Variants in DLGAP2 observed in about 807,000 individuals in gnomAD.
DLGAP2 encodes the protein DLG associated protein 2.
Under a neutral mutation model 100.3 loss-of-function variants are expected in DLGAP2, and 26 were observed. The observed-to-expected ratio is 0.26, with a 90% CI of 0.19 to 0.36. The LOEUF (loss-of-function observed/expected upper bound fraction) is 0.36. Ranked by LOEUF, DLGAP2 falls within the 10% of genes least tolerant of loss-of-function variation. The pLI, the probability that DLGAP2 is intolerant of heterozygous loss-of-function variation, is 1.00. For missense variants in DLGAP2, 1,858 were observed against 1,453.2 expected, an observed-to-expected ratio of 1.28 and a Z score of -4.53; for synonymous variants, 886 against 630.1, an observed-to-expected ratio of 1.41 and a Z score of -6.08.
rs1392608886 is a variant in DLGAP2 at position 1,626,647 on chromosome 8, T to C, written c.1443-93T>C. 16 of 1,494,794 alleles carry C rather than the reference T, an allele frequency of 1.1e-5. No individual in the cohort carries two copies. The East Asian group carries it at 3.7e-4, about 35-fold the overall frequency. 92.6% of individuals were successfully genotyped at this position (1,494,794 alleles called of 1,614,324 possible). A position where few individuals can be genotyped will look rare whatever the true frequency, so the allele number is the denominator to read the frequency against. On this transcript the variant is annotated intron_variant, in intron 6 of 14. Transcript: ENST00000637795. ...CCCACCTCTGCCCTGTGGTGGGTGCTCAGCCTCTGGGTGTGGGTTGGATGG... is the reference window on the plus strand; with the variant it reads ...CCCACCTCTGCCCTGTGGTGGGTGCCCAGCCTCTGGGTGTGGGTTGGATGG...
chr8:1,507,448 G>C (rs1375272365), intron 4 of DLGAP2, among the ~76,000 whole-genome samples: 2 of 152,152 alleles, frequency 1.3e-5, no homozygotes, highest in South Asian at 2.1e-4. Context: ...CTCCAAGTGC[G>C]GGGCCGCGGA....
intron 2 of DLGAP2, among the ~76,000 whole-genome samples, chr8:1,115,657 C>T (rs544561412): frequency 9.9e-5 from 15 of 152,224 alleles, no homozygotes; most frequent in East Asian, 9.7e-4. Context: ...ATTCAGAGGA[C>T]GGAGGTGTAG....
chr8:1,485,630 C>T (rs1053657410), intron 3 of DLGAP2, among the ~76,000 whole-genome samples: 1 of 152,222 alleles, frequency 6.6e-6, no homozygotes, highest in Non-Finnish European at 1.5e-5. Context: ...TTCCCCCTCC[C>T]AGCTCCCACT....
chr8:807,903 G>C (rs1299523660), intron 1 of DLGAP2, among the ~76,000 whole-genome samples: 1 of 152,226 alleles, frequency 6.6e-6, no homozygotes, highest in South Asian at 2.1e-4. Flanking sequence ...GAACATAAAG[G>C]GGAGAAGGTT....
intron 7 of DLGAP2, among the ~76,000 whole-genome samples, chr8:1,629,564 A>C (rs1307821103): frequency 6.6e-6 from 1 of 152,264 alleles, no homozygotes; most frequent in African/African-American, 2.4e-5. Flanking sequence ...AAACAGAGTA[A>C]CTGAAAGTCA....
chr8:1,463,609 C>T (rs1055414544), intron 3 of DLGAP2, among the ~76,000 whole-genome samples: 2 of 152,250 alleles, frequency 1.3e-5, no homozygotes, highest in Non-Finnish European at 2.9e-5. Flanking sequence ...GAGTTCTGAA[C>T]ATGTGTCAAA....
At chr8:1,203,125 C>T (rs891263320) in intron 2 of DLGAP2, among the ~76,000 whole-genome samples, 25 of 151,926 alleles carry the variant, frequency 1.6e-4, no homozygotes, top group Admixed American at 1.1e-3. Context: ...TTTGTTAGTT[C>T]GTTTGTTTGT....
At chr8:1,671,157 G>T (rs974712215) in intron 10 of DLGAP2, among the ~76,000 whole-genome samples, 1 of 152,202 alleles carries the variant, frequency 6.6e-6, no homozygotes, top group Middle Eastern at 3.2e-3. Context: ...CAGCGGCCGA[G>T]ACTGGAGCCT....
chr8:800,740 ATGTGCATG>A (rs1280376936), intron 1 of DLGAP2, among the ~76,000 whole-genome samples: 1 of 151,848 alleles, frequency 6.6e-6, no homozygotes, highest in Non-Finnish European at 1.5e-5. Flanking sequence ...GTGTATGTGT[ATGTGCATG>A]TGTGCATGTG....
At chr8:1,345,343 A>G (rs377515768) in intron 3 of DLGAP2, among the ~76,000 whole-genome samples, 1 of 150,554 alleles carries the variant, frequency 6.6e-6, no homozygotes, top group African/African-American at 2.4e-5. Context: ...CGCCAAACAC[A>G]CTTGTTAGAT....
chr8:904,760 G>T (rs576275700), intron 1 of DLGAP2, among the ~76,000 whole-genome samples: 3 of 152,194 alleles, frequency 2.0e-5, no homozygotes, highest in Non-Finnish European at 1.5e-5. Context: ...CAGCACCCGT[G>T]GCAGGCAGAA....
At chr8:1,588,292 C>T (rs905556001) in intron 6 of DLGAP2, among the ~76,000 whole-genome samples, 3 of 151,934 alleles carry the variant, frequency 2.0e-5, no homozygotes, top group Non-Finnish European at 2.9e-5. Context: ...AGAGAATGTA[C>T]TGAATGAAGA....
chr8:1,312,460 G>A (rs1427342487), intron 3 of DLGAP2, among the ~76,000 whole-genome samples: 2 of 152,120 alleles, frequency 1.3e-5, no homozygotes, highest in Non-Finnish European at 2.9e-5. Flanking sequence ...TATCCAAAAT[G>A]TACAAAGAAC....
At chr8:852,366 T>G (rs1029771741) in intron 1 of DLGAP2, among the ~76,000 whole-genome samples, 1 of 152,150 alleles carries the variant, frequency 6.6e-6, no homozygotes, top group African/African-American at 2.4e-5. Flanking sequence ...TGAGATTGGC[T>G]TTTCACACGT....
intron 1 of DLGAP2, among the ~76,000 whole-genome samples, chr8:884,330 A>G (rs1005986346): frequency 7.2e-5 from 11 of 152,146 alleles, no homozygotes; most frequent in African/African-American, 2.7e-4. Context: ...AATAATTGCC[A>G]TTCTGACTGG....
chr8:1,285,904 GCTGTGATTGCACCA>G, intron 3 of DLGAP2, among the ~76,000 whole-genome samples: 1 of 152,332 alleles, frequency 6.6e-6, no homozygotes, highest in East Asian at 1.9e-4. Flanking sequence ...GCTGCACTGA[GCTGTGATTGCACCA>G]CTGCCGTCTA....
intron 3 of DLGAP2, among the ~76,000 whole-genome samples, chr8:1,385,810 G>A (rs546946545): frequency 4.7e-4 from 71 of 150,732 alleles, no homozygotes; most frequent in African/African-American, 1.6e-3. Flanking sequence ...CGGCCCCTGA[G>A]AACTTGGTGC....
intron 3 of DLGAP2, among the ~76,000 whole-genome samples, chr8:1,438,483 TA>T (rs368793483): frequency 6.6e-6 from 1 of 152,092 alleles, no homozygotes; most frequent in Non-Finnish European, 1.5e-5. Flanking sequence ...TGTGGCTTTT[TA>T]AAAAAAAACC....
intron 3 of DLGAP2, among the ~76,000 whole-genome samples, chr8:1,279,069 A>G (rs1585217737): frequency 1.3e-5 from 2 of 152,366 alleles, no homozygotes; most frequent in East Asian, 3.9e-4. Context: ...CTTTAACTGC[A>G]GAATTTTACA....
Sources: gnomAD v4.1 joint callset for allele counts (sites outside exome capture counted in the v4.1 genomes callset) on GRCh38, gnomAD v4.1.1 for gene constraint, MANE v1.5 for transcripts, NCBI Gene and HGNC (gene_info 2026-07-23, HGNC 2026-07-21) for gene names.